The following TRPM3 variants were observed in gnomAD, a reference collection of about 807,000 sequenced individuals.
TRPM3 encodes transient receptor potential cation channel subfamily M member 3.
TRPM3 carries 77 observed loss-of-function variants against 181.2 expected under a neutral mutation model. That is an observed-to-expected ratio of 0.42 (90% CI 0.35 to 0.51). TRPM3 has a LOEUF of 0.51. Ranked by LOEUF, TRPM3 falls within the 20% of genes least tolerant of loss-of-function variation. TRPM3 has a pLI of 0.01. For synonymous variants in TRPM3, 745 were observed against 796.4 expected, an observed-to-expected ratio of 0.94 and a Z score of 1.09; for missense variants, 1,759 against 2,196.7, an observed-to-expected ratio of 0.80 and a Z score of 3.98.
intron 1 of TRPM3, among the ~76,000 whole-genome samples, chr9:71,262,567 A>G (rs563466791): frequency 1.3e-5 from 2 of 152,294 alleles, no homozygotes; most frequent in African/African-American, 4.8e-5. Context: ...GGGGTACCAA[A>G]AAAACAAAAA....
chr9:70,597,361 T>A (rs111389926), intron 21 of TRPM3, among the ~76,000 whole-genome samples: 1 of 152,202 alleles, frequency 6.6e-6, no homozygotes, highest in Admixed American at 6.5e-5. Context: ...CATGACCCAC[T>A]GTGTCTGACC....
chr9:71,284,010 C>T (rs1273519270), intron 1 of TRPM3, among the ~76,000 whole-genome samples: 1 of 152,204 alleles, frequency 6.6e-6, no homozygotes, highest in Non-Finnish European at 1.5e-5. Context: ...AGGCAGAATG[C>T]CTGATATGAG....
chr9:71,311,041 T>C (rs1211384381), intron 1 of TRPM3, among the ~76,000 whole-genome samples: 1 of 152,166 alleles, frequency 6.6e-6, no homozygotes, highest in Non-Finnish European at 1.5e-5. Flanking sequence ...AGAATTGTAG[T>C]AAATGAACAT....
chr9:70,752,008 G>GTGTA (rs2076226088), intron 8 of TRPM3, among the ~76,000 whole-genome samples: 2 of 108,074 alleles, frequency 1.9e-5, no homozygotes, highest in African/African-American at 7.0e-5. Flanking sequence ...CAGTGTGTGT[G>GTGTA]TGTGTGTGTG....
chr9:71,312,110 T>C (rs1052270488), intron 1 of TRPM3, among the ~76,000 whole-genome samples: 33 of 152,114 alleles, frequency 2.2e-4, no homozygotes, highest in African/African-American at 7.0e-4. Context: ...GTGAAAGACA[T>C]AGTCAAGAGA....
At chr9:70,603,249 A>G in intron 20 of TRPM3, 93 bp downstream of exon 20, 1 of 1,466,474 alleles carries the variant, frequency 6.8e-7, no homozygotes, top group Non-Finnish European at 9.3e-7. Flanking sequence ...TTCCGGCTTA[A>G]TTTGCATCCC....
intron 1 of TRPM3, among the ~76,000 whole-genome samples, chr9:71,239,521 G>A (rs1208580611): frequency 6.6e-6 from 1 of 151,890 alleles, no homozygotes; most frequent in Non-Finnish European, 1.5e-5. Flanking sequence ...AGAATATTTT[G>A]AAAATAATAA....
intron 6 of TRPM3, chr9:70,793,467 A>AG: frequency 8.6e-6 from 1 of 115,802 alleles, no homozygotes; most frequent in Non-Finnish European, 1.9e-5. Flanking sequence ...AAAAAAAAAA[A>AG]AAATATATAT....
intron 1 of TRPM3, among the ~76,000 whole-genome samples, chr9:71,151,909 G>GA (rs1202878788): frequency 6.6e-6 from 1 of 152,050 alleles, no homozygotes. Flanking sequence ...AAGGTTCTGA[G>GA]TTTTTTACTT....
chr9:71,215,047 C>CAAAAAAAAAAAA (rs72383590), intron 1 of TRPM3, among the ~76,000 whole-genome samples: 68 of 112,588 alleles, frequency 6.0e-4, no homozygotes, highest in Non-Finnish European at 7.8e-4. Context: ...AAAAAAAAAA[C>CAAAAAAAAAAAA]AAAAAAAAAA....
rs542358490 is a variant in TRPM3 at position 70,772,275 on chromosome 9, C to G, written c.1149-10551G>C. The stretch of plus-strand genomic sequence containing the variant: ...CACAGGTCAAGCACTCAGGGAGTCT[C>G]TGGTTGGATATCACAGATATGGAAG... On this transcript the variant is annotated intron_variant, in intron 7 of 25. Coordinates refer to ENST00000677713, the MANE Select transcript of TRPM3 (RefSeq NM_001366145.2). 9.2e-5 allele frequency among the ~76,000 whole-genome samples: 14 copies of G among 151,994 alleles called. No homozygotes were observed. In the South Asian group the frequency reaches 2.7e-3, roughly 29 times the overall value.
chr9:70,670,202 T>C (rs2062651930), intron 9 of TRPM3, among the ~76,000 whole-genome samples: 1 of 152,196 alleles, frequency 6.6e-6, no homozygotes, highest in African/African-American at 2.4e-5. Flanking sequence ...TTCTGATTCA[T>C]TCCAGGTGTT....
At chr9:70,994,754 C>T (rs1693098645) in intron 1 of TRPM3, among the ~76,000 whole-genome samples, 1 of 152,208 alleles carries the variant, frequency 6.6e-6, no homozygotes, top group Admixed American at 6.5e-5. Flanking sequence ...CCATTAAACA[C>T]GTGCATCAGC....
intron 12 of TRPM3, among the ~76,000 whole-genome samples, chr9:70,632,836 A>T (rs1334509051): frequency 6.6e-6 from 1 of 152,198 alleles, no homozygotes; most frequent in Admixed American, 6.5e-5. Flanking sequence ...GCTACAAAAA[A>T]CCCTACCTTA....
intron 1 of TRPM3, among the ~76,000 whole-genome samples, chr9:70,894,857 C>T (rs1262005311): frequency 6.6e-6 from 1 of 152,142 alleles, no homozygotes; most frequent in Non-Finnish European, 1.5e-5. Flanking sequence ...TAGTGTCACG[C>T]TGATTCTAAC....
rs532467034 is a variant in TRPM3, at chr9:71,037,184, T to C, written c.177+83994A>G. 3.3e-5 allele frequency among the ~76,000 whole-genome samples: 5 copies of C among 152,326 alleles called. No individual in the cohort carries two copies. In the East Asian group the frequency reaches 9.6e-4, roughly 29 times the overall value. On this transcript the variant is annotated intron_variant, in intron 1 of 25. Coordinates refer to ENST00000677713, the MANE Select transcript of TRPM3 (RefSeq NM_001366145.2). ...AATTAACTGTATCTTGATCATCCAG[T>C]CTTGATCTATTCTTATTATGATTAT...
At chr9:70,808,459 T>C (rs567808576) in intron 6 of TRPM3, among the ~76,000 whole-genome samples, 1 of 152,202 alleles carries the variant, frequency 6.6e-6, no homozygotes, top group Non-Finnish European at 1.5e-5. Flanking sequence ...ATGGGTGAGA[T>C]AAACATGACA....
intron 1 of TRPM3, among the ~76,000 whole-genome samples, chr9:71,437,077 C>T (rs567197803): frequency 3.9e-5 from 6 of 152,300 alleles, no homozygotes; most frequent in African/African-American, 1.2e-4. Flanking sequence ...CCTGACAGTA[C>T]ACTAACAAAT....
chr9:70,593,624 C>T (rs112861313), intron 21 of TRPM3, among the ~76,000 whole-genome samples: 1 of 152,022 alleles, frequency 6.6e-6, no homozygotes, highest in Admixed American at 6.6e-5. Flanking sequence ...ACATTTTTCC[C>T]AAACACTTAG....
Sources: gnomAD v4.1 joint callset for allele counts (sites outside exome capture counted in the v4.1 genomes callset) on GRCh38, gnomAD v4.1.1 for gene constraint, MANE v1.5 for transcripts, NCBI Gene and HGNC (gene_info 2026-07-23, HGNC 2026-07-21) for gene names.